Variants in CACNA2D3 observed in about 807,000 individuals in gnomAD.
CACNA2D3 encodes the protein voltage-dependent calcium channel subunit alpha-2/delta-3.
A neutral mutation model predicts 160.6 loss-of-function variants in CACNA2D3; 60 were observed. The ratio of observed to expected loss-of-function variants is 0.37; its 90% CI spans 0.30 to 0.46. CACNA2D3 has a LOEUF of 0.46. CACNA2D3 is among the 20% of genes least tolerant of loss of function. The pLI is 1.00. For synonymous variants in CACNA2D3, 558 were observed against 492.9 expected, an observed-to-expected ratio of 1.13 and a Z score of -1.75; for missense variants, 1,205 against 1,365.0, an observed-to-expected ratio of 0.88 and a Z score of 1.85.
At chr3:54,493,616 GCACGTC>G (rs1701151722) in intron 4 of CACNA2D3, among the ~76,000 whole-genome samples, 1 of 152,012 alleles carries the variant, frequency 6.6e-6, no homozygotes, top group Non-Finnish European at 1.5e-5. Context: ...CCTTATCTTG[GCACGTC>G]CTAATCCTCC....
intron 11 of CACNA2D3, among the ~76,000 whole-genome samples, chr3:54,702,666 A>T (rs1700788308): frequency 6.6e-6 from 1 of 152,200 alleles, no homozygotes; most frequent in Non-Finnish European, 1.5e-5. Context: ...GCCACTGTGG[A>T]AAGCAGTTGG....
chr3:54,896,154 C>G (rs906901455), intron 25 of CACNA2D3, among the ~76,000 whole-genome samples: 9 of 152,136 alleles, frequency 5.9e-5, no homozygotes, highest in African/African-American at 2.2e-4. Context: ...GATAGACAAG[C>G]TCTCTGCGCA....
At chr3:54,992,710 C>G (rs1363075746) in intron 31 of CACNA2D3, among the ~76,000 whole-genome samples, 1 of 151,684 alleles carries the variant, frequency 6.6e-6, no homozygotes, top group African/African-American at 2.4e-5. Context: ...GGGGCCCCCA[C>G]CTTCAGTGTC....
At chr3:54,411,472 C>G (rs1575440883) in intron 4 of CACNA2D3, among the ~76,000 whole-genome samples, 1 of 152,194 alleles carries the variant, frequency 6.6e-6, no homozygotes, top group Non-Finnish European at 1.5e-5. Flanking sequence ...AACATGGAGT[C>G]AAGACCCTCC....
intron 18 of CACNA2D3, among the ~76,000 whole-genome samples, chr3:54,872,209 C>G (rs924744071): frequency 6.6e-6 from 1 of 152,192 alleles, no homozygotes; most frequent in Admixed American, 6.5e-5. Context: ...GTAGATTCAG[C>G]CTATGGTGCT....
chr3:54,692,437 G>A (rs1700588121), intron 11 of CACNA2D3, among the ~76,000 whole-genome samples: 1 of 152,314 alleles, frequency 6.6e-6, no homozygotes, highest in East Asian at 1.9e-4. Context: ...TGCTGTGCCT[G>A]CAGAGGGAGC....
At chr3:54,370,325 T>G (rs1698902789) in intron 3 of CACNA2D3, among the ~76,000 whole-genome samples, 1 of 152,240 alleles carries the variant, frequency 6.6e-6, no homozygotes, top group South Asian at 2.1e-4. Context: ...TAAAAATATG[T>G]TTAACTTACT....
intron 21 of CACNA2D3, among the ~76,000 whole-genome samples, chr3:54,883,435 A>G (rs919211734): frequency 2.0e-5 from 3 of 152,224 alleles, no homozygotes; most frequent in Non-Finnish European, 4.4e-5. Flanking sequence ...CAGAAGGACC[A>G]ATGTCAGAGG....
intron 4 of CACNA2D3, among the ~76,000 whole-genome samples, chr3:54,403,383 ACACACACACACACACG>A (rs1699508814): frequency 1.3e-5 from 2 of 151,530 alleles, no homozygotes; most frequent in South Asian, 4.2e-4. Flanking sequence ...ACACACACAC[ACACACACACACACACG>A]CACACACAAT....
At chr3:54,721,170 G>A (rs1330098196) in intron 11 of CACNA2D3, among the ~76,000 whole-genome samples, 1 of 151,968 alleles carries the variant, frequency 6.6e-6, no homozygotes, top group Non-Finnish European at 1.5e-5. Flanking sequence ...CTTATATAAT[G>A]TACATACCTT....
intron 3 of CACNA2D3, among the ~76,000 whole-genome samples, chr3:54,378,753 TTG>T (rs1407559088): frequency 6.6e-6 from 1 of 152,238 alleles, no homozygotes; most frequent in East Asian, 1.9e-4. Context: ...AAATCGAAGG[TTG>T]TCTCTTCTTC....
chr3:54,147,594 G>A (rs1054235748), intron 2 of CACNA2D3, among the ~76,000 whole-genome samples: 2 of 152,220 alleles, frequency 1.3e-5, no homozygotes, highest in African/African-American at 2.4e-5. Context: ...GTGACCTTGG[G>A]CAAGTTATGT....
chr3:54,569,850 A>G lies in CACNA2D3; in HGVS notation c.732A>G (p.Arg244=). ...NGVIAFDCRN[R]KWYIQAATSP... The stretch of plus-strand genomic sequence containing the variant: ...TCATTGCCTTCGACTGCAGGAACCG[A>G]AAATGGTAGGCAGTGGTCAGACCTC... Residue 244 remains arginine (R), a synonymous_variant, in exon 7 of 38, where the codon CGA becomes CGG. Transcript: ENST00000474759. 1 of 1,609,864 alleles carries G rather than the reference A, an allele frequency of 6.2e-7. No homozygotes were observed. Among genetic ancestry groups the G allele is most frequent in the Non-Finnish European group, 8.5e-7 (1 of 1,177,802 alleles).
intron 2 of CACNA2D3, among the ~76,000 whole-genome samples, chr3:54,187,625 A>G (rs771703127): frequency 3.9e-5 from 6 of 152,120 alleles, no homozygotes; most frequent in African/African-American, 7.2e-5. Flanking sequence ...GCAGTCCCCA[A>G]CCTTTATGGC....
At chr3:54,984,583 T>A (rs758627812) in intron 29 of CACNA2D3, 25 bp from the exon 30 acceptor site, 18 of 1,428,102 alleles carry the variant, frequency 1.3e-5, no homozygotes, top group South Asian at 5.1e-5. Context: ...GTTTTTTTGT[T>A]TTTGTTTTTT....
intron 2 of CACNA2D3, among the ~76,000 whole-genome samples, chr3:54,259,538 A>G (rs1005029027): frequency 5.3e-5 from 8 of 152,166 alleles, no homozygotes; most frequent in African/African-American, 1.9e-4. Context: ...CCGGATAGAA[A>G]TGCTTTTACC....
intron 14 of CACNA2D3, among the ~76,000 whole-genome samples, chr3:54,832,055 ACG>A (rs1491314542): frequency 1.4e-5 from 2 of 141,348 alleles, no homozygotes; most frequent in South Asian, 2.4e-4. Context: ...ACACACACAC[ACG>A]TCTCTCCTCC....
chr3:54,189,888 C>G (rs535157976), intron 2 of CACNA2D3, among the ~76,000 whole-genome samples: 1 of 152,284 alleles, frequency 6.6e-6, no homozygotes, highest in Non-Finnish European at 1.5e-5. Flanking sequence ...TAATTTTCTA[C>G]TTTTTAAACT....
intron 9 of CACNA2D3, among the ~76,000 whole-genome samples, chr3:54,613,612 T>C (rs966171684): frequency 1.3e-5 from 2 of 152,206 alleles, no homozygotes; most frequent in African/African-American, 4.8e-5. Flanking sequence ...CTCTGAGTCT[T>C]AAGGTCTCTT....
Sources: gnomAD v4.1 joint callset for allele counts (sites outside exome capture counted in the v4.1 genomes callset) on GRCh38, gnomAD v4.1.1 for gene constraint, MANE v1.5 for transcripts, NCBI Gene and HGNC (gene_info 2026-07-23, HGNC 2026-07-21) for gene names.